Variants in DPP10 observed in about 807,000 individuals in gnomAD.
DPP10 encodes the protein inactive dipeptidyl peptidase 10.
Under a neutral mutation model 120.9 loss-of-function variants are expected in DPP10, and 33 were observed. The ratio of observed to expected loss-of-function variants is 0.27; its 90% CI spans 0.21 to 0.37. The LOEUF is 0.37. DPP10 is among the 10% of genes least tolerant of loss of function. DPP10 has a pLI of 1.00. For synonymous variants in DPP10, 337 were observed against 326.1 expected (o/e 1.03, Z -0.36); for missense variants, 816 against 942.8 (o/e 0.87, Z 1.76).
intron 1 of DPP10, among the ~76,000 whole-genome samples, chr2:115,178,806 A>G (rs2053881526): frequency 6.6e-6 from 1 of 152,220 alleles, no homozygotes; most frequent in Non-Finnish European, 1.5e-5. Flanking sequence ...CCAACTTAGG[A>G]TGAGGTTAGG....
chr2:115,582,837 A>C (rs1009232669), intron 5 of DPP10, among the ~76,000 whole-genome samples: 15 of 152,152 alleles, frequency 9.9e-5, no homozygotes, highest in African/African-American at 3.4e-4. Context: ...AGTTAATATC[A>C]CTTATTCTCT....
At chr2:114,471,074 A>C (rs911359017) in intron 1 of DPP10, among the ~76,000 whole-genome samples, 1 of 152,240 alleles carries the variant, frequency 6.6e-6, no homozygotes, top group Non-Finnish European at 1.5e-5. Context: ...AAACTATGAC[A>C]ACTAAAATCT....
chr2:114,592,976 C>T (rs1285077341), intron 1 of DPP10, among the ~76,000 whole-genome samples: 1 of 152,116 alleles, frequency 6.6e-6, no homozygotes, highest in Non-Finnish European at 1.5e-5. Context: ...TTTAGAATTT[C>T]ATTTGTGTTC....
intron 1 of DPP10, among the ~76,000 whole-genome samples, chr2:114,577,689 G>T (rs891894736): frequency 2.0e-5 from 3 of 152,052 alleles, no homozygotes; most frequent in Admixed American, 6.6e-5. Context: ...GTTCTCTCAC[G>T]GTTCTGGAGG....
At chr2:115,553,081 T>G (rs1035467370) in intron 5 of DPP10, among the ~76,000 whole-genome samples, 1 of 152,080 alleles carries the variant, frequency 6.6e-6, no homozygotes, top group African/African-American at 2.4e-5. Context: ...TAAAAGGAAT[T>G]TACTATGCTG....
intron 1 of DPP10, among the ~76,000 whole-genome samples, chr2:114,954,277 G>A (rs371693581): frequency 4.7e-4 from 71 of 151,928 alleles, no homozygotes; most frequent in African/African-American, 1.6e-3. Context: ...TAGAGACAGG[G>A]TTTCACCGTG....
At chr2:115,550,089 T>G (rs2079783871) in intron 5 of DPP10, among the ~76,000 whole-genome samples, 1 of 152,122 alleles carries the variant, frequency 6.6e-6, no homozygotes, top group Admixed American at 6.6e-5. Flanking sequence ...GAGAGACAGC[T>G]TCCTAAAGGG....
intron 17 of DPP10, among the ~76,000 whole-genome samples, chr2:115,784,198 A>G (rs1306451694): frequency 6.6e-6 from 1 of 152,226 alleles, no homozygotes; most frequent in Non-Finnish European, 1.5e-5. Context: ...TTTTCTTTTC[A>G]AAAGATAATT....
intron 1 of DPP10, among the ~76,000 whole-genome samples, chr2:114,818,132 G>A (rs1472454529): frequency 6.6e-6 from 1 of 152,142 alleles, no homozygotes; most frequent in African/African-American, 2.4e-5. Context: ...AAAAGAGAGA[G>A]AGAGAGAGAA....
chr2:115,152,511 GACTTTTCAACCTAA>G (rs1464345482), intron 1 of DPP10, among the ~76,000 whole-genome samples: 1 of 152,118 alleles, frequency 6.6e-6, no homozygotes. Context: ...ATTTAAGACT[GACTTTTCAACCTAA>G]AGGAGATCCT....
chr2:115,538,368 A>G (rs1318097448), intron 5 of DPP10, among the ~76,000 whole-genome samples: 1 of 151,972 alleles, frequency 6.6e-6, no homozygotes, highest in Non-Finnish European at 1.5e-5. Flanking sequence ...TCAGAAACCT[A>G]TATTATTATG....
At chr2:114,458,983 TGATAA>T (rs1461223156) in intron 1 of DPP10, among the ~76,000 whole-genome samples, 1 of 152,224 alleles carries the variant, frequency 6.6e-6, no homozygotes, top group Non-Finnish European at 1.5e-5. Context: ...TAAATCACTC[TGATAA>T]GATTGATTGT....
intron 5 of DPP10, among the ~76,000 whole-genome samples, chr2:115,657,231 A>G (rs1156401835): frequency 6.6e-6 from 1 of 151,774 alleles, no homozygotes; most frequent in Non-Finnish European, 1.5e-5. Flanking sequence ...AGTGAGAAGA[A>G]TAGCAGCCAT....
At chr2:115,179,867 C>T (rs567657443) in intron 1 of DPP10, among the ~76,000 whole-genome samples, 1 of 152,250 alleles carries the variant, frequency 6.6e-6, no homozygotes, top group African/African-American at 2.4e-5. Flanking sequence ...TCTACCAAGA[C>T]TCGAAACCGT....
chr2:115,135,188 A>G (rs2050589199), intron 1 of DPP10, among the ~76,000 whole-genome samples: 1 of 151,736 alleles, frequency 6.6e-6, no homozygotes, highest in African/African-American at 2.4e-5. Context: ...ATATTGTAGG[A>G]GCATACTTTA....
chr2:115,280,121 AT>A (rs1268507958), intron 1 of DPP10, among the ~76,000 whole-genome samples: 1 of 152,168 alleles, frequency 6.6e-6, no homozygotes, highest in African/African-American at 2.4e-5. Context: ...TGAGGCAAAA[AT>A]AATAGGTTGA....
intron 1 of DPP10, chr2:115,162,017 C>T (rs1230442639): frequency 1.4e-6 from 2 of 1,385,014 alleles, no homozygotes. Context: ...CCAGGCGCAG[C>T]CGGCGGACCA....
At chr2:115,031,761 A>G (rs891070166) in intron 1 of DPP10, among the ~76,000 whole-genome samples, 1 of 152,140 alleles carries the variant, frequency 6.6e-6, no homozygotes, top group Admixed American at 6.6e-5. Flanking sequence ...TAATCTTGCA[A>G]TCTGACTTAG....
At chr2:114,889,222 T>C (rs1440412851) in intron 1 of DPP10, among the ~76,000 whole-genome samples, 1 of 152,194 alleles carries the variant, frequency 6.6e-6, no homozygotes, top group African/African-American at 2.4e-5. Context: ...CTTGCAGTCA[T>C]GGTATTTGTT....
Sources: allele counts gnomAD v4.1 joint callset (sites outside exome capture counted in the v4.1 genomes callset), GRCh38; gene constraint gnomAD v4.1.1; transcripts MANE v1.5; gene names NCBI Gene and HGNC (gene_info 2026-07-23, HGNC 2026-07-21).